The following TMEM132C variants were observed in gnomAD, a reference collection of about 807,000 sequenced individuals.
The protein encoded by TMEM132C is protein phosphatase 1, regulatory subunit 152.
In TMEM132C, 29 loss-of-function variants were observed where a neutral mutation model predicts 61.4. That is an observed-to-expected ratio of 0.47 (90% CI 0.35 to 0.64). The LOEUF (loss-of-function observed/expected upper bound fraction) is 0.64. Ranked by LOEUF, TMEM132C falls within the 30% of genes least tolerant of loss-of-function variation. The probability of loss-of-function intolerance (pLI) is 0.00; values close to 1 mark genes in which losing one functional copy is unlikely to be tolerated. For synonymous variants in TMEM132C, 656 were observed against 633.1 expected (o/e 1.04, Z -0.54); for missense variants, 1,408 against 1,476.9 (o/e 0.95, Z 0.76).
chr12:128,552,926 A>AAC (rs569430025), intron 3 of TMEM132C, among the ~76,000 whole-genome samples: 3,750 of 152,164 alleles, frequency 0.025, 166 homozygotes, highest in African/African-American at 0.086. Flanking sequence ...ACAAACAAAA[A>AAC]AAAAGCATAA....
chr12:128,520,561 T>C (rs1336580901), intron 2 of TMEM132C, among the ~76,000 whole-genome samples: 1 of 152,198 alleles, frequency 6.6e-6, no homozygotes, highest in Non-Finnish European at 1.5e-5. Flanking sequence ...GCCTCAACAC[T>C]GCTGACATTT....
At chr12:128,639,025 A>G (rs908321013) in intron 4 of TMEM132C, among the ~76,000 whole-genome samples, 5 of 106,000 alleles carry the variant, frequency 4.7e-5, no homozygotes, top group Non-Finnish European at 1.1e-4. Flanking sequence ...GGTGATGGTG[A>G]TGGTGGTGAT....
chr12:128,656,428 C>T (rs911790969), intron 4 of TMEM132C, among the ~76,000 whole-genome samples: 4 of 152,192 alleles, frequency 2.6e-5, no homozygotes, highest in South Asian at 2.1e-4. Context: ...TATCTATATT[C>T]CCAGTAGCAG....
chr12:128,449,161 GAA>G (rs1231980464), intron 2 of TMEM132C, among the ~76,000 whole-genome samples: 1 of 122,832 alleles, frequency 8.1e-6, no homozygotes, highest in African/African-American at 3.2e-5. Flanking sequence ...AAAAAAAAAA[GAA>G]ATTTTATTTA....
chr12:128,667,912 A>C (rs10847663), intron 4 of TMEM132C, among the ~76,000 whole-genome samples: 1 of 152,048 alleles, frequency 6.6e-6, no homozygotes. Context: ...CCCATTGACT[A>C]TGATGGAATG....
chr12:128,391,520 G>C (rs1260245888), intron 1 of TMEM132C, among the ~76,000 whole-genome samples: 1 of 152,212 alleles, frequency 6.6e-6, no homozygotes, highest in Non-Finnish European at 1.5e-5. Context: ...CTGTGTGCTA[G>C]ACACGGTGAG....
At chr12:128,499,577 G>A (rs951551867) in intron 2 of TMEM132C, among the ~76,000 whole-genome samples, 31 of 151,982 alleles carry the variant, frequency 2.0e-4, no homozygotes, top group Admixed American at 1.5e-3. Flanking sequence ...GACAACCATC[G>A]TTCTACTCTC....
chr12:128,376,762 G>A (rs1874204836), intron 1 of TMEM132C, among the ~76,000 whole-genome samples: 1 of 152,232 alleles, frequency 6.6e-6, no homozygotes, highest in Non-Finnish European at 1.5e-5. Context: ...AGAAGAAGCA[G>A]TCTCCTTGCC....
At chr12:128,440,616 A>G (rs996865015) in intron 2 of TMEM132C, among the ~76,000 whole-genome samples, 2 of 152,202 alleles carry the variant, frequency 1.3e-5, no homozygotes, top group African/African-American at 4.8e-5. Flanking sequence ...AGTATATCAC[A>G]TGGCCAGATC....
intron 4 of TMEM132C, among the ~76,000 whole-genome samples, chr12:128,665,890 CAG>C (rs1488875820): frequency 6.7e-6 from 1 of 149,382 alleles, no homozygotes; most frequent in Non-Finnish European, 1.5e-5. Flanking sequence ...CATAAACACA[CAG>C]CCACACACAC....
At chr12:128,406,224 A>C (rs908090004) in intron 1 of TMEM132C, among the ~76,000 whole-genome samples, 4 of 152,100 alleles carry the variant, frequency 2.6e-5, no homozygotes, top group Non-Finnish European at 5.9e-5. Context: ...ATTTTCCCTC[A>C]TTGTACACCT....
intron 3 of TMEM132C, among the ~76,000 whole-genome samples, chr12:128,579,329 A>G (rs1875245209): frequency 6.6e-6 from 1 of 152,142 alleles, no homozygotes; most frequent in South Asian, 2.1e-4. Flanking sequence ...TTTCTACTCT[A>G]ATGTCTTCCA....
At chr12:128,503,660 A>G (rs1565955483) in intron 2 of TMEM132C, among the ~76,000 whole-genome samples, 1 of 152,194 alleles carries the variant, frequency 6.6e-6, no homozygotes, top group African/African-American at 2.4e-5. Flanking sequence ...CCTTTCCTTT[A>G]ATCCCATCAT....
At chr12:128,427,387 G>GGTGTGTGTGTGTGTGTGT (rs761620460) in intron 2 of TMEM132C, among the ~76,000 whole-genome samples, 121 of 132,344 alleles carry the variant, frequency 9.1e-4, no homozygotes, top group African/African-American at 3.5e-3. Context: ...CTTCCAAAGG[G>GGTGTGTGTGTGTGTGTGT]GTGTGTGTGT....
At chr12:128,374,913 T>C (rs7307295) in intron 1 of TMEM132C, among the ~76,000 whole-genome samples, 123,709 of 137,952 alleles carry the variant, frequency 0.9, 56,568 homozygotes, top group East Asian at 1. Flanking sequence ...AAACTCCGTC[T>C]GTCTCAAAAA....
chr12:128,392,064 TTCTCTCTC>T lies in TMEM132C; in HGVS notation c.86-22641_86-22634del, dbSNP rs34334973. ...TCTCTCTGTCTCTGTCTCTCTCTCTTTCTCTCTCTCTCTCTCTCTCTCTCTCTCTCTCT... is the reference window on the plus strand; with the variant it reads ...TCTCTCTGTCTCTGTCTCTCTCTCTTTCTCTCTCTCTCTCTCTCTCTCTCT... On this transcript the variant is annotated intron_variant, in intron 1 of 8. Transcript: ENST00000435159. Among the ~76,000 whole-genome samples, 125 of 130,530 alleles carry T rather than the reference TTCTCTCTC, an allele frequency of 9.6e-4. No homozygotes were observed. In the Middle Eastern group the frequency reaches 0.015, roughly 16 times the overall value. 85.6% of individuals were successfully genotyped at this position (130,530 alleles called of 152,430 possible).
Position 128,326,754 on chromosome 12 carries a change from G to C in TMEM132C, c.85+59267G>C, listed in dbSNP as rs557482937. Among the ~76,000 whole-genome samples, 3 of 150,620 alleles carry C rather than the reference G, an allele frequency of 2.0e-5. No individual in the cohort carries two copies. The highest frequency in any genetic ancestry group is 4.1e-4 in the South Asian group (2 of 4,828). ...GGCAGAGAAGTTTCGAGATTCATCAGATGTCTTTATGGCTCCCACATCTCG... is the reference window on the plus strand; with the variant it reads ...GGCAGAGAAGTTTCGAGATTCATCACATGTCTTTATGGCTCCCACATCTCG... On this transcript the variant is annotated intron_variant, in intron 1 of 8. Coordinates refer to ENST00000435159, the MANE Select transcript of TMEM132C (RefSeq NM_001136103.3). The surrounding 1 kb of genome is among the most constrained non-coding windows in gnomAD (Gnocchi z 5.6).
chr12:128,650,598 G>A (rs1954258507), intron 4 of TMEM132C, among the ~76,000 whole-genome samples: 1 of 152,038 alleles, frequency 6.6e-6, no homozygotes, highest in South Asian at 2.1e-4. Flanking sequence ...CAAGGATAGT[G>A]CATGCCTGCA....
chr12:128,517,684 AT>A lies in TMEM132C; in HGVS notation c.975-26270del, dbSNP rs1872762941. Reference sequence around the variant, plus strand: ...TGTGTATTGGAACTTTTCATAATAAATTTGGGGGTATCATTAATGTAAACAT... The same window carrying A: ...TGTGTATTGGAACTTTTCATAATAAATTGGGGGTATCATTAATGTAAACAT... On this transcript the variant is annotated intron_variant, in intron 2 of 8. Transcript: ENST00000435159. Among the ~76,000 whole-genome samples the A allele has an allele frequency of 2.6e-5, 4 of 152,168 alleles. No homozygotes were observed. In the South Asian group the frequency reaches 8.3e-4, roughly 32 times the overall value.
Sources: gnomAD v4.1 joint callset for allele counts (sites outside exome capture counted in the v4.1 genomes callset) on GRCh38, gnomAD v4.1.1 for gene constraint, Gnocchi (gnomAD v3.1) non-coding constraint, MANE v1.5 for transcripts, NCBI Gene and HGNC (gene_info 2026-07-23, HGNC 2026-07-21) for gene names.